Variants in ULK2 observed in about 807,000 individuals in gnomAD.
ULK2 encodes the protein serine/threonine-protein kinase ULK2.
Under a neutral mutation model 127.5 loss-of-function variants are expected in ULK2, and 76 were observed. The observed-to-expected ratio is 0.60, with a 90% CI of 0.50 to 0.72. The LOEUF is 0.72. ULK2 is among the 30% of genes least tolerant of loss of function. ULK2 has a pLI of 0.00. For missense variants in ULK2, 1,144 were observed against 1,295.9 expected, an observed-to-expected ratio of 0.88 and a Z score of 1.80; for synonymous variants, 452 against 461.9, an observed-to-expected ratio of 0.98 and a Z score of 0.28.
chr17:19,795,527 C>A lies in ULK2; in HGVS notation c.2101+95G>T, dbSNP rs2087250201. The A allele has an allele frequency of 2.9e-6, 3 of 1,029,784 alleles. No homozygotes were observed. The Admixed American group carries it at 5.2e-5, about 18-fold the overall frequency. The allele number at this position is 1,029,784 out of a possible 1,614,324, so 63.8% of individuals were successfully genotyped here. A position where few individuals can be genotyped will look rare whatever the true frequency, so the allele number is the denominator to read the frequency against. ...AATAATACATTTGTGTTGTTTTATG[C>A]CACCAAGCATGTGATGATTTGTTAC... On this transcript the variant is annotated intron_variant, in intron 20 of 26. Coordinates refer to ENST00000395544, the MANE Select transcript of ULK2 (RefSeq NM_014683.4).
intron 7 of ULK2, among the ~76,000 whole-genome samples, chr17:19,844,170 T>TA (rs1366971757): frequency 1.3e-5 from 2 of 152,248 alleles, no homozygotes; most frequent in African/African-American, 4.8e-5. Context: ...GCTGCTTTGT[T>TA]ACGGGTATTT....
intron 3 of ULK2, 80 bp from the exon 4 acceptor site, chr17:19,849,854 T>C (rs1209252528): frequency 3.6e-6 from 3 of 832,442 alleles, no homozygotes; most frequent in African/African-American, 1.8e-5. Flanking sequence ...AAAAATACCA[T>C]ACTTGTTCAT....
At chr17:19,809,189 T>C (rs959155801) in intron 14 of ULK2, among the ~76,000 whole-genome samples, 1 of 152,210 alleles carries the variant, frequency 6.6e-6, no homozygotes, top group Non-Finnish European at 1.5e-5. Flanking sequence ...ATAAATGCTA[T>C]ATGATTTCAC....
intron 25 of ULK2, among the ~76,000 whole-genome samples, chr17:19,778,687 T>C (rs2086857617): frequency 6.6e-6 from 1 of 152,180 alleles, no homozygotes; most frequent in African/African-American, 2.4e-5. Flanking sequence ...ACTCCTGAGC[T>C]CAAGCAATCC....
At chr17:19,799,283 G>C (rs180775494) in intron 17 of ULK2, among the ~76,000 whole-genome samples, 63 of 151,558 alleles carry the variant, frequency 4.2e-4, no homozygotes, top group Non-Finnish European at 8.2e-4. Context: ...TAATTTCTAA[G>C]ACTTATTTTC....
chr17:19,780,240 G>A (rs1234477303), intron 25 of ULK2, among the ~76,000 whole-genome samples: 1 of 151,872 alleles, frequency 6.6e-6, no homozygotes, highest in African/African-American at 2.4e-5. Flanking sequence ...AATAAGAGCT[G>A]TAATAAACTT....
chr17:19,797,768 G>C (rs930181681), intron 17 of ULK2, 86 bp from the exon 18 acceptor site: 9 of 1,187,978 alleles, frequency 7.6e-6, no homozygotes, highest in Non-Finnish European at 9.0e-6. Context: ...TTTTTAAAAT[G>C]AGAATTCTGA....
At chr17:19,822,358 TTTTTA>T (rs1403569438) in intron 12 of ULK2, among the ~76,000 whole-genome samples, 3 of 151,892 alleles carry the variant, frequency 2.0e-5, no homozygotes, top group South Asian at 2.1e-4. Context: ...CTTATTTTAT[TTTTTA>T]TTTTATTTTT....
chr17:19,790,621 T>C (rs752133554), intron 20 of ULK2, among the ~76,000 whole-genome samples: 6 of 151,448 alleles, frequency 4.0e-5, no homozygotes, highest in Middle Eastern at 3.4e-3. Flanking sequence ...AGAAAACAAA[T>C]AACAAAATGG....
chr17:19,864,955 T>C (rs1367487900), intron 2 of ULK2, 111 bp from the exon 3 acceptor site: 10 of 373,978 alleles, frequency 2.7e-5, no homozygotes, highest in East Asian at 9.2e-5. Context: ...ATTATACTTA[T>C]ATTAAGACTA....
In ULK2 at chr17:19,804,680, G is replaced by C; in HGVS notation, c.1295+13C>G. The C allele has an allele frequency of 6.4e-7, 1 of 1,568,808 alleles. No individual in the cohort carries two copies. Among genetic ancestry groups the C allele is most frequent in the Non-Finnish European group, 8.6e-7 (1 of 1,158,516 alleles). ...TGAAAAAGAATTAAGCAAGAAAAAA[G>C]CTACTAACTTACCTTGGAGAACCAT... On this transcript the variant is annotated intron_variant, in intron 15 of 26. Transcript: ENST00000395544.
At chr17:19,820,704 T>C (rs529958083) in intron 12 of ULK2, among the ~76,000 whole-genome samples, 1 of 152,210 alleles carries the variant, frequency 6.6e-6, no homozygotes, top group Non-Finnish European at 1.5e-5. Context: ...TATGACTTCA[T>C]GTACGGAAAT....
At position 19,867,464 on chromosome 17, in the gene ULK2, G is replaced by A. The variant is rs945089450; in HGVS notation, c.-47C>T. On this transcript the variant is annotated 5_prime_UTR_variant, in exon 1 of 27. Coordinates refer to ENST00000395544, the MANE Select transcript of ULK2 (RefSeq NM_014683.4). The stretch of plus-strand genomic sequence containing the variant: ...AGCGGACGGGCGGGCGGCGCAGTGC[G>A]GCGCAGGTATCAGCACCGCGGCTCC... The A allele has an allele frequency of 7.0e-5, 106 of 1,524,290 alleles. No individual in the cohort carries two copies. The highest frequency in any genetic ancestry group is 8.9e-5 in the Non-Finnish European group (100 of 1,127,792). The allele number at this position is 1,524,290 out of a possible 1,614,324, so 94.4% of individuals were successfully genotyped here. A position where few individuals can be genotyped will look rare whatever the true frequency, so the allele number is the denominator to read the frequency against.
chr17:19,799,752 G>A (rs1338384203), intron 16 of ULK2, among the ~76,000 whole-genome samples, 177 bp from the exon 17 acceptor site: 2 of 152,152 alleles, frequency 1.3e-5, no homozygotes, highest in African/African-American at 4.8e-5. Flanking sequence ...GCTGGGTGCT[G>A]CACACTAAGA....
intron 20 of ULK2, among the ~76,000 whole-genome samples, chr17:19,794,615 C>T (rs1383922837): frequency 1.3e-5 from 2 of 151,550 alleles, no homozygotes; most frequent in Admixed American, 1.3e-4. Context: ...GAAGATAGTA[C>T]AGTGAAATAT....
intron 10 of ULK2, among the ~76,000 whole-genome samples, chr17:19,829,266 T>C (rs1006641059): frequency 1.3e-5 from 2 of 152,114 alleles, no homozygotes; most frequent in African/African-American, 4.8e-5. Flanking sequence ...CCAAGTACAC[T>C]GGCTTAAGCC....
Position 19,867,334 on chromosome 17 carries a change from G to A in ULK2, c.84C>T (p.His28=), listed in dbSNP as rs200274686. 5,751 of 1,595,386 alleles carry A rather than the reference G, an allele frequency of 3.6e-3. 24 individuals are homozygous for A. The highest frequency in any genetic ancestry group is 6.6e-3 in the South Asian group (583 of 88,754). ...GAFAVVFRGR[H]RQKTDWEVAI... ...CGCCCCGGCCGGCGCTCACCTGGCGGTGCCGCCCCCGGAAGACCACGGCGA... is the reference window on the plus strand; with the variant it reads ...CGCCCCGGCCGGCGCTCACCTGGCGATGCCGCCCCCGGAAGACCACGGCGA... The change falls in exon 1 of 27, where the codon CAC becomes CAT. Residue 28 remains histidine, a synonymous_variant. Transcript: ENST00000395544.
chr17:19,773,192 A>C lies in ULK2; in HGVS notation c.*3157T>G, dbSNP rs560231813. On this transcript the variant is annotated 3_prime_UTR_variant, in exon 27 of 27. Coordinates refer to ENST00000395544, the MANE Select transcript of ULK2 (RefSeq NM_014683.4). ...CCTGGGAGGCTGAGGAAGAAGAATC[A>C]CTTGAACCTGGGAGGCAGAGGTTGC... 6.6e-6 allele frequency: 1 copy of C among 151,526 alleles called. No homozygotes were observed. The highest frequency in any genetic ancestry group is 2.0e-4 in the East Asian group (1 of 5,110). 9.4% of individuals were successfully genotyped at this position (151,526 alleles called of 1,614,324 possible).
In ULK2 at chr17:19,821,889, T is replaced by C. The variant is rs774425334; in HGVS notation, c.924+3205A>G. 3.3e-5 allele frequency among the ~76,000 whole-genome samples: 5 copies of C among 152,174 alleles called. No homozygotes were observed. In the South Asian group the frequency reaches 6.2e-4, roughly 19 times the overall value. The stretch of plus-strand genomic sequence containing the variant: ...TTTGTAGAGACGGGATTTCACCATG[T>C]TGCCCAAGTTGGTCTCAAACTCCTG... On this transcript the variant is annotated intron_variant, in intron 12 of 26. Coordinates refer to ENST00000395544, the MANE Select transcript of ULK2 (RefSeq NM_014683.4).
Sources: gnomAD v4.1 joint callset for allele counts (sites outside exome capture counted in the v4.1 genomes callset) on GRCh38, gnomAD v4.1.1 for gene constraint, MANE v1.5 for transcripts, NCBI Gene and HGNC (gene_info 2026-07-23, HGNC 2026-07-21) for gene names.